Variants in CADM2 observed in about 807,000 individuals in gnomAD.
The protein encoded by CADM2 is cell adhesion molecule 2.
A neutral mutation model predicts 49.8 loss-of-function variants in CADM2; 12 were observed. That is an observed-to-expected ratio of 0.24 (90% CI 0.15 to 0.39). The LOEUF is 0.39. Among genes scored for constraint, CADM2 ranks in the 10% least tolerant of loss-of-function variants. The pLI, the probability that CADM2 is intolerant of heterozygous loss-of-function variation, is 1.00. For synonymous variants in CADM2, 214 were observed against 175.4 expected, an observed-to-expected ratio of 1.22 and a Z score of -1.74; for missense variants, 378 against 492.3, an observed-to-expected ratio of 0.77 and a Z score of 2.20.
intron 1 of CADM2, among the ~76,000 whole-genome samples, chr3:85,022,952 ATATAT>A (rs2034569414): frequency 6.6e-6 from 1 of 152,100 alleles, no homozygotes; most frequent in African/African-American, 2.4e-5. Context: ...TTCTGCAAAC[ATATAT>A]TATACAAGTC....
At chr3:85,626,405 A>G (rs922233227) in intron 1 of CADM2, among the ~76,000 whole-genome samples, 1 of 152,024 alleles carries the variant, frequency 6.6e-6, no homozygotes, top group African/African-American at 2.4e-5. Flanking sequence ...AGTGGAATAA[A>G]TCAAATGTCT....
At chr3:85,104,312 C>A (rs1381767569) in intron 1 of CADM2, among the ~76,000 whole-genome samples, 22 of 151,486 alleles carry the variant, frequency 1.5e-4, no homozygotes, top group Non-Finnish European at 2.9e-4. Flanking sequence ...GGAATCCTTT[C>A]CCCATTGCTT....
At position 85,533,085 on chromosome 3, in the gene CADM2, T is replaced by G. The variant is rs202230086; in HGVS notation, c.62-193437T>G. 6.6e-5 allele frequency among the ~76,000 whole-genome samples: 10 copies of G among 152,162 alleles called. No individual in the cohort carries two copies. In the East Asian group the frequency reaches 1.9e-3, roughly 30 times the overall value. The stretch of plus-strand genomic sequence containing the variant: ...TAATACTTGGGTGTTTAAACAGTCT[T>G]TACAGTAAACCCCCATGACACAAGT... On this transcript the variant is annotated intron_variant, in intron 1 of 9. Transcript: ENST00000383699.
intron 3 of CADM2, among the ~76,000 whole-genome samples, chr3:85,831,165 C>T (rs1442623371): frequency 1.3e-5 from 2 of 151,880 alleles, no homozygotes; most frequent in South Asian, 4.1e-4. Context: ...GCAAAGGACA[C>T]AGGTTGATTC....
intron 2 of CADM2, among the ~76,000 whole-genome samples, chr3:85,785,968 A>C (rs1268101594): frequency 6.6e-6 from 1 of 152,104 alleles, no homozygotes; most frequent in Non-Finnish European, 1.5e-5. Flanking sequence ...TGAATTGCAA[A>C]GATGATTCAA....
At chr3:85,295,873 C>G (rs965817748) in intron 1 of CADM2, among the ~76,000 whole-genome samples, 1 of 151,194 alleles carries the variant, frequency 6.6e-6, no homozygotes, top group African/African-American at 2.4e-5. Flanking sequence ...CACATGTATA[C>G]ATATGTAACT....
At chr3:85,980,740 C>T (rs920960633) in intron 8 of CADM2, among the ~76,000 whole-genome samples, 2 of 151,420 alleles carry the variant, frequency 1.3e-5, no homozygotes, top group Admixed American at 6.6e-5. Context: ...TTTTCACAAA[C>T]GGCAGTCTAA....
At chr3:85,087,861 C>T (rs1005927295) in intron 1 of CADM2, among the ~76,000 whole-genome samples, 1 of 152,098 alleles carries the variant, frequency 6.6e-6, no homozygotes, top group Non-Finnish European at 1.5e-5. Flanking sequence ...AAAACTGCCC[C>T]AGTTTTTTCC....
chr3:85,150,956 T>C (rs947002680), intron 1 of CADM2, among the ~76,000 whole-genome samples: 1 of 149,554 alleles, frequency 6.7e-6, no homozygotes, highest in African/African-American at 2.5e-5. Flanking sequence ...ATAATAATAA[T>C]TGGATGGCAA....
Position 86,065,594 on chromosome 3 carries a change from G to C in CADM2, c.971-11G>C. On this transcript the variant is annotated splice_polypyrimidine_tract_variant and intron_variant, in intron 8 of 9. Transcript: ENST00000383699. ...ACATTAAATAGAACAATATTTTCCTGTCTTTTCCAGATCCTAATGCTTTGG... is the reference window on the plus strand; with the variant it reads ...ACATTAAATAGAACAATATTTTCCTCTCTTTTCCAGATCCTAATGCTTTGG... 6.2e-7 allele frequency: 1 copy of C among 1,607,484 alleles called. No individual in the cohort carries two copies.
chr3:85,528,607 T>C (rs2061226883), intron 1 of CADM2, among the ~76,000 whole-genome samples: 1 of 152,204 alleles, frequency 6.6e-6, no homozygotes, highest in Admixed American at 6.5e-5. Context: ...GCATGTAATA[T>C]TTATCAGGTA....
At chr3:86,023,731 C>T (rs1415780602) in intron 8 of CADM2, among the ~76,000 whole-genome samples, 3 of 152,170 alleles carry the variant, frequency 2.0e-5, no homozygotes, top group Non-Finnish European at 2.9e-5. Context: ...ACCTATCTTC[C>T]ATGGCTGTGG....
At chr3:85,373,298 T>C (rs913347785) in intron 1 of CADM2, among the ~76,000 whole-genome samples, 6 of 152,184 alleles carry the variant, frequency 3.9e-5, no homozygotes, top group East Asian at 1.9e-4. Context: ...GGAAATTTAG[T>C]GCACCAGTCA....
At position 85,696,532 on chromosome 3, in the gene CADM2, C is replaced by T. The variant is rs568426176; in HGVS notation, c.62-29990C>T. ...CATTTATCGAATAGGATTATCTTTT[C>T]CCCGGTGTATGTTTTTGTCTGCCTT... On this transcript the variant is annotated intron_variant, in intron 1 of 9. Coordinates refer to ENST00000383699, the MANE Select transcript of CADM2 (RefSeq NM_001167675.2). Among the ~76,000 whole-genome samples, 56 of 152,024 alleles carry T rather than the reference C, an allele frequency of 3.7e-4. 1 individual carries two copies. In the South Asian group the frequency reaches 0.011, roughly 29 times the overall value.
At chr3:85,012,579 A>G (rs1303629007) in intron 1 of CADM2, among the ~76,000 whole-genome samples, 1 of 150,650 alleles carries the variant, frequency 6.6e-6, no homozygotes, top group Non-Finnish European at 1.5e-5. Flanking sequence ...AATGAACAAT[A>G]TTAAAATAAT....
chr3:85,003,094 C>G (rs1271105251), intron 1 of CADM2, among the ~76,000 whole-genome samples: 1 of 152,088 alleles, frequency 6.6e-6, no homozygotes, highest in East Asian at 1.9e-4. Context: ...CCTCACCTGG[C>G]CGTATCCTTT....
intron 1 of CADM2, among the ~76,000 whole-genome samples, chr3:84,988,812 A>T (rs1354799959): frequency 6.6e-6 from 1 of 152,162 alleles, no homozygotes; most frequent in African/African-American, 2.4e-5. Context: ...TCTCAAAATC[A>T]TGTATTACCT....
chr3:84,975,820 T>C (rs1403362508), intron 1 of CADM2, among the ~76,000 whole-genome samples: 1 of 151,886 alleles, frequency 6.6e-6, no homozygotes, highest in Non-Finnish European at 1.5e-5. Context: ...ATCTCTGAGA[T>C]GAACATCTTC....
chr3:85,528,372 CTTTATAG>C (rs2061219508), intron 1 of CADM2, among the ~76,000 whole-genome samples: 1 of 152,178 alleles, frequency 6.6e-6, no homozygotes. Flanking sequence ...ACTGTTTTCT[CTTTATAG>C]TTTAGTAACT....
Sources: allele counts gnomAD v4.1 joint callset (sites outside exome capture counted in the v4.1 genomes callset), GRCh38; gene constraint gnomAD v4.1.1; transcripts MANE v1.5; gene names NCBI Gene and HGNC (gene_info 2026-07-23, HGNC 2026-07-21).